The following KLF6 variants were observed in gnomAD, a reference collection of about 807,000 sequenced individuals.
KLF6 encodes KLF transcription factor 6, also known as Krueppel-like factor 6.
For missense variants in KLF6, 233 were observed against 359.8 expected (o/e 0.65, Z 2.85); for synonymous variants, 152 against 147.9 (o/e 1.03, Z -0.20).
chr10:3,783,151 G>T (rs10795076), intron 1 of KLF6: 22,814 of 151,986 alleles, frequency 0.15, 1,784 homozygotes, highest in Admixed American at 0.23. Context: ...GCCAAATAAG[G>T]ACCCAGCTCA....
In KLF6 at chr10:3,780,399, C is replaced by A; in HGVS notation, c.677-170G>T. Reference sequence around the variant, plus strand: ...CTCAGAGAGACAACAGCAGCTCTCTCCTGACCCAGTCTCAGGCCTCCCACT... The same window carrying A: ...CTCAGAGAGACAACAGCAGCTCTCTACTGACCCAGTCTCAGGCCTCCCACT... On this transcript the variant is annotated intron_variant, in intron 2 of 3. Coordinates refer to ENST00000497571, the MANE Select transcript of KLF6 (RefSeq NM_001300.6). This position sits in a 1 kb window ranked among gnomAD's most constrained non-coding sequence, Gnocchi z 4.6. 1.3e-6 allele frequency: 1 copy of A among 757,068 alleles called. No homozygotes were observed. The highest frequency in any genetic ancestry group is 2.0e-5 in the Admixed American group (1 of 50,252). 46.9% of individuals were successfully genotyped at this position (757,068 alleles called of 1,614,324 possible). A position where few individuals can be genotyped will look rare whatever the true frequency, so the allele number is the denominator to read the frequency against.
chr10:3,779,041 GT>G lies in KLF6; in HGVS notation c.*497del, dbSNP rs878977269. 1 of 525,410 alleles carries G rather than the reference GT, an allele frequency of 1.9e-6. No individual in the cohort carries two copies. Among genetic ancestry groups the G allele is most frequent in the Non-Finnish European group, 3.6e-6 (1 of 274,102 alleles). 32.5% of individuals were successfully genotyped at this position (525,410 alleles called of 1,614,324 possible). A position where few individuals can be genotyped will look rare whatever the true frequency, so the allele number is the denominator to read the frequency against. ...CTTCTTTTTTTGTTTTTGTTTTTTTGTTTTTTTGATTTTTCTTTTTTTTTCT... is the reference window on the plus strand; with the variant it reads ...CTTCTTTTTTTGTTTTTGTTTTTTTGTTTTTTGATTTTTCTTTTTTTTTCT... On this transcript the variant is annotated 3_prime_UTR_variant, in exon 4 of 4. Transcript: ENST00000497571.
Position 3,777,163 on chromosome 10 carries a change from T to C in KLF6, c.*2376A>G. The C allele has an allele frequency of 1.9e-6, 1 of 513,270 alleles. No individual in the cohort carries two copies. The highest frequency in any genetic ancestry group is 3.8e-6 in the Non-Finnish European group (1 of 263,596). The allele number at this position is 513,270 out of a possible 1,614,324, so 31.8% of individuals were successfully genotyped here. A position where few individuals can be genotyped will look rare whatever the true frequency, so the allele number is the denominator to read the frequency against. ...AACCAGTTATGTGAGCGTTAGTCAC[T>C]GCTCATTTCCAGGAAGATCAAACAA... On this transcript the variant is annotated 3_prime_UTR_variant, in exon 4 of 4. Coordinates refer to ENST00000497571, the MANE Select transcript of KLF6 (RefSeq NM_001300.6).
In KLF6 at chr10:3,779,512, G is replaced by A; in HGVS notation, c.*27C>T. 6.2e-7 allele frequency: 1 copy of A among 1,603,414 alleles called. No homozygotes were observed. Among genetic ancestry groups the A allele is most frequent in the Non-Finnish European group, 8.5e-7 (1 of 1,170,194 alleles). On this transcript the variant is annotated 3_prime_UTR_variant, in exon 4 of 4. Transcript: ENST00000497571. The stretch of plus-strand genomic sequence containing the variant: ...CGGCTCTCAGCCTGGAAGCCTTTTA[G>A]CCTACAGGATCCACCTCTCTGCTCC...
rs1265214107 is a variant in KLF6 at position 3,777,063 on chromosome 10, A to C, written c.*2476T>G. On this transcript the variant is annotated 3_prime_UTR_variant, in exon 4 of 4. Transcript: ENST00000497571. Reference sequence around the variant, plus strand: ...CTTGGATTCTGAACTGCCAAAAGAAAACTGCACTTCCCCTCTTAAGTAAAA... The same window carrying C: ...CTTGGATTCTGAACTGCCAAAAGAACACTGCACTTCCCCTCTTAAGTAAAA... 1 of 517,510 alleles carries C rather than the reference A, an allele frequency of 1.9e-6. No homozygotes were observed. Among genetic ancestry groups the C allele is most frequent in the South Asian group, 1.5e-5 (1 of 65,032 alleles). 32.1% of individuals were successfully genotyped at this position (517,510 alleles called of 1,614,324 possible).
At position 3,778,652 on chromosome 10, in the gene KLF6, G is replaced by A. The variant is rs1260597145; in HGVS notation, c.*887C>T. The A allele has an allele frequency of 5.8e-6, 3 of 518,170 alleles. No individual in the cohort carries two copies. The highest frequency in any genetic ancestry group is 4.1e-5 in the East Asian group (1 of 24,640). 32.1% of individuals were successfully genotyped at this position (518,170 alleles called of 1,614,324 possible). Reference sequence around the variant, plus strand: ...AAAAAATTGTATATTGCCAGGCCCGGATGGCTAGGGGGTCACTGTATTAGA... The same window carrying A: ...AAAAAATTGTATATTGCCAGGCCCGAATGGCTAGGGGGTCACTGTATTAGA... On this transcript the variant is annotated 3_prime_UTR_variant, in exon 4 of 4. Transcript: ENST00000497571.
chr10:3,782,447 C>T lies in KLF6; in HGVS notation c.103-233G>A, dbSNP rs1272652148. 6.6e-6 allele frequency among the ~76,000 whole-genome samples: 1 copy of T among 152,226 alleles called. No homozygotes were observed. Among genetic ancestry groups the T allele is most frequent in the Non-Finnish European group, 1.5e-5 (1 of 68,046 alleles). ...AGTCGGAGGGTGAAACCTCTCCTGG[C>T]TTTCCCAATGTTGGGCCAAGGGCCA... is the stretch of plus-strand genomic sequence containing the variant. On this transcript the variant is annotated intron_variant, in intron 1 of 3. Coordinates refer to ENST00000497571, the MANE Select transcript of KLF6 (RefSeq NM_001300.6). The surrounding 1 kb of genome is among the most constrained non-coding windows in gnomAD (Gnocchi z 4.3).
chr10:3,782,147 A>G lies in KLF6; in HGVS notation c.170T>C (p.Phe57Ser). 6.2e-7 allele frequency: 1 copy of G among 1,613,614 alleles called. No homozygotes were observed. Among genetic ancestry groups the G allele is most frequent in the Non-Finnish European group, 8.5e-7 (1 of 1,180,020 alleles). ...GGTCCACAGATCTTCCTGGCTGTCA[A>G]ATTTGATTTCTGAGGCTGAAACATA... is the stretch of plus-strand genomic sequence containing the variant. ...PCYVSASEIK[F>S]DSQEDLWTKI... Residue 57 changes from phenylalanine to serine, a missense_variant, in exon 2 of 4, where the codon TTT (phenylalanine) becomes TCT (serine). Coordinates refer to ENST00000497571, the MANE Select transcript of KLF6 (RefSeq NM_001300.6). The surrounding 1 kb of genome is among the most constrained non-coding windows in gnomAD (Gnocchi z 4.3).
chr10:3,784,952 G>A lies in KLF6; in HGVS notation c.63C>T (p.Tyr21=), dbSNP rs757278414. The change falls in exon 1 of 4, where the codon TAC becomes TAT. Residue 21 remains tyrosine, a synonymous_variant. Coordinates refer to ENST00000497571, the MANE Select transcript of KLF6 (RefSeq NM_001300.6). ...QELQIVHETG[Y]FSALPSLEEY... ...CCTCCAGAGACGGCAGCGCCGAGAAGTAGCCGGTCTCGTGCACGATCTGGA... is the reference window on the plus strand; with the variant it reads ...CCTCCAGAGACGGCAGCGCCGAGAAATAGCCGGTCTCGTGCACGATCTGGA... 1 of 1,604,938 alleles carries A rather than the reference G, an allele frequency of 6.2e-7. No individual in the cohort carries two copies. Among genetic ancestry groups the A allele is most frequent in the Non-Finnish European group, 8.5e-7 (1 of 1,174,506 alleles).
intron 1 of KLF6, among the ~76,000 whole-genome samples, chr10:3,784,237 G>T (rs1341439267): frequency 6.6e-6 from 1 of 152,186 alleles, no homozygotes; most frequent in Non-Finnish European, 1.5e-5. Flanking sequence ...CCAAATTCCA[G>T]TTCTACGACA....
At chr10:3,784,659 T>C (rs1289463462) in intron 1 of KLF6, among the ~76,000 whole-genome samples, 1 of 150,934 alleles carries the variant, frequency 6.6e-6, no homozygotes, top group Non-Finnish European at 1.5e-5. Flanking sequence ...GCTCCAGCTG[T>C]GGCGTCTGGA....
rs1301010903 is a variant in KLF6 at position 3,777,656 on chromosome 10, C to T, written c.*1883G>A. ...AGGTTATGGTTTTCATTTTTACCTC[C>T]TTTATGGCCATTTTGAAATATTTCT... On this transcript the variant is annotated 3_prime_UTR_variant, in exon 4 of 4. Transcript: ENST00000497571. 4.1e-6 allele frequency: 2 copies of T among 484,566 alleles called. No individual in the cohort carries two copies. The highest frequency in any genetic ancestry group is 4.7e-5 in the Admixed American group (2 of 42,820). The allele number at this position is 484,566 out of a possible 1,614,324, so 30.0% of individuals were successfully genotyped here.
chr10:3,778,480 C>A lies in KLF6; in HGVS notation c.*1059G>T, dbSNP rs1303720843. 1.3e-5 allele frequency: 7 copies of A among 525,082 alleles called. No individual in the cohort carries two copies. The highest frequency in any genetic ancestry group is 6.7e-5 in the Admixed American group (3 of 44,698). The allele number at this position is 525,082 out of a possible 1,614,324, so 32.5% of individuals were successfully genotyped here. A position where few individuals can be genotyped will look rare whatever the true frequency, so the allele number is the denominator to read the frequency against. On this transcript the variant is annotated 3_prime_UTR_variant, in exon 4 of 4. Transcript: ENST00000497571. ...TTAGACCAGCAATTCCCAGCCCCAG[C>A]TTTGTGACACTCAATACGTGTCCAA...
At chr10:3,783,697 G>A (rs1832584156) in intron 1 of KLF6, among the ~76,000 whole-genome samples, 1 of 152,180 alleles carries the variant, frequency 6.6e-6, no homozygotes, top group African/African-American at 2.4e-5. Flanking sequence ...AAAAAGAAAA[G>A]CACATTTATG....
rs941616603 is a variant in KLF6, at chr10:3,777,423, C to T, written c.*2116G>A. ...TTAGCTTACTCTTAGGTTAGATCTT[C>T]TAATAAGGCTGAAATTCAAAATCAA... On this transcript the variant is annotated 3_prime_UTR_variant, in exon 4 of 4. Coordinates refer to ENST00000497571, the MANE Select transcript of KLF6 (RefSeq NM_001300.6). 2 of 510,450 alleles carry T rather than the reference C, an allele frequency of 3.9e-6. No individual in the cohort carries two copies. Among genetic ancestry groups the T allele is most frequent in the African/African-American group, 3.8e-5 (2 of 52,534 alleles). The allele number at this position is 510,450 out of a possible 1,614,324, so 31.6% of individuals were successfully genotyped here. A position where few individuals can be genotyped will look rare whatever the true frequency, so the allele number is the denominator to read the frequency against.
chr10:3,777,711 A>G lies in KLF6; in HGVS notation c.*1828T>C. 1 of 404,294 alleles carries G rather than the reference A, an allele frequency of 2.5e-6. No individual in the cohort carries two copies. 25.0% of individuals were successfully genotyped at this position (404,294 alleles called of 1,614,324 possible). On this transcript the variant is annotated 3_prime_UTR_variant, in exon 4 of 4. Coordinates refer to ENST00000497571, the MANE Select transcript of KLF6 (RefSeq NM_001300.6). ...AGGCTGTGGAATTTTCTAGCTAAAC[A>G]TTCTAGTTTCTCCTTAAAAAAAATA...
intron 1 of KLF6, among the ~76,000 whole-genome samples, chr10:3,784,191 C>A (rs905564534): frequency 6.6e-6 from 1 of 152,134 alleles, no homozygotes; most frequent in Non-Finnish European, 1.5e-5. Context: ...CCTATAAGCA[C>A]GGGGACCTGG....
Position 3,780,337 on chromosome 10 carries a change from T to TGGGATGCAA in KLF6, c.677-109_677-108insTTGCATCCC. 1 of 1,355,230 alleles carries TGGGATGCAA rather than the reference T, an allele frequency of 7.4e-7. No homozygotes were observed. The highest frequency in any genetic ancestry group is 1.2e-5 in the South Asian group (1 of 85,692). 84.0% of individuals were successfully genotyped at this position (1,355,230 alleles called of 1,614,324 possible). A position where few individuals can be genotyped will look rare whatever the true frequency, so the allele number is the denominator to read the frequency against. On this transcript the variant is annotated intron_variant, in intron 2 of 3. Transcript: ENST00000497571. The surrounding 1 kb of genome is among the most constrained non-coding windows in gnomAD (Gnocchi z 4.6). ...GTGGGATGCAAGGCCAGGGACCCAG[T>TGGGATGCAA]GGCTTCTGGCATCGGTAACACACAA...
In KLF6 at chr10:3,780,306, A is replaced by C; in HGVS notation, c.677-77T>G. On this transcript the variant is annotated intron_variant, in intron 2 of 3. Coordinates refer to ENST00000497571, the MANE Select transcript of KLF6 (RefSeq NM_001300.6). The surrounding 1 kb of genome is among the most constrained non-coding windows in gnomAD (Gnocchi z 4.6). ...GGAAAGGGGAAATTCAACAACACAC[A>C]CAGTGGTGGGATGCAAGGCCAGGGA... The C allele has an allele frequency of 6.4e-7, 1 of 1,569,526 alleles. No homozygotes were observed. Among genetic ancestry groups the C allele is most frequent in the Non-Finnish European group, 8.7e-7 (1 of 1,149,052 alleles).
Sources: gnomAD v4.1 joint callset for allele counts (sites outside exome capture counted in the v4.1 genomes callset) on GRCh38, gnomAD v4.1.1 for gene constraint, Gnocchi (gnomAD v3.1) non-coding constraint, MANE v1.5 for transcripts, NCBI Gene and HGNC (gene_info 2026-07-23, HGNC 2026-07-21) for gene names.